Variants in DLC1 observed in about 807,000 individuals in gnomAD.
The protein encoded by DLC1 is rho GTPase-activating protein 7.
In DLC1, 54 loss-of-function variants were observed where a neutral mutation model predicts 140.3. The ratio of observed to expected loss-of-function variants is 0.38; its 90% CI spans 0.31 to 0.48. The LOEUF is 0.48. Among genes scored for constraint, DLC1 ranks in the 20% least tolerant of loss-of-function variants. The pLI is 0.96. For missense variants in DLC1, 2,536 were observed against 1,907.0 expected (o/e 1.33, Z -6.14); for synonymous variants, 986 against 728.1 (o/e 1.35, Z -5.70).
chr8:13,133,400 G>A (rs1316072676), intron 5 of DLC1: 2 of 757,020 alleles, frequency 2.6e-6, no homozygotes, highest in Admixed American at 6.1e-5. Flanking sequence ...GCAGGCCTTA[G>A]CGACGGGCTG....
At chr8:13,351,093 T>C (rs1432890093) in intron 4 of DLC1, among the ~76,000 whole-genome samples, 1 of 152,214 alleles carries the variant, frequency 6.6e-6, no homozygotes, top group Non-Finnish European at 1.5e-5. Context: ...AATAAGGTTT[T>C]CTTCCATGGT....
intron 2 of DLC1, among the ~76,000 whole-genome samples, chr8:13,423,688 C>G (rs1838422273): frequency 6.6e-6 from 1 of 152,102 alleles, no homozygotes; most frequent in Admixed American, 6.6e-5. Context: ...TGATAAAATT[C>G]TTATTTACAT....
chr8:13,143,812 C>CAGAGAGAGAG (rs1194741154), intron 5 of DLC1, among the ~76,000 whole-genome samples: 1 of 53,642 alleles, frequency 1.9e-5, no homozygotes, highest in Admixed American at 2.4e-4. Context: ...AAATGAAAAG[C>CAGAGAGAGAG]TGAGAGAGAG....
intron 1 of DLC1, among the ~76,000 whole-genome samples, chr8:13,513,225 G>C (rs1263005428): frequency 6.6e-6 from 1 of 152,028 alleles, no homozygotes; most frequent in Non-Finnish European, 1.5e-5. Flanking sequence ...GCCATTGTTA[G>C]AGGAGACCAT....
intron 5 of DLC1, among the ~76,000 whole-genome samples, chr8:13,292,882 T>C (rs1586082159): frequency 6.6e-6 from 1 of 152,212 alleles, no homozygotes; most frequent in Middle Eastern, 3.4e-3. Flanking sequence ...TATCAAATAG[T>C]TAGGAGCAGC....
At position 13,100,658 on chromosome 8, in the gene DLC1, T is replaced by G. The variant is rs1471472526; in HGVS notation, c.1679A>C (p.Gln560Pro). Residue 560 changes from glutamine (Q) to proline (P), a missense_variant, in exon 9 of 18, where the codon CAA (glutamine) becomes CCA (proline). By Grantham distance (76) the Gln-to-Pro change is moderately conservative (BLOSUM62 -1). Transcript: ENST00000276297. ...GTCTGGGGACCCAGGGACCAGGTCT[T>G]GTTTTGGAGAAAAGACATCAAACTC... ...LEEFDVFSPK[Q>P]DLVPGSPDDS... 6.2e-7 allele frequency: 1 copy of G among 1,614,126 alleles called. No individual in the cohort carries two copies. The highest frequency in any genetic ancestry group is 8.5e-7 in the Non-Finnish European group (1 of 1,180,004).
chr8:13,597,707 T>C (rs1198999373), intron 1 of DLC1, among the ~76,000 whole-genome samples: 2 of 151,912 alleles, frequency 1.3e-5, no homozygotes, highest in Non-Finnish European at 2.9e-5. Context: ...ATACAGAAAA[T>C]GTGTGTATAT....
chr8:13,280,263 G>A (rs1340726642), intron 5 of DLC1, among the ~76,000 whole-genome samples: 2 of 140,104 alleles, frequency 1.4e-5, no homozygotes, highest in Non-Finnish European at 3.0e-5. Flanking sequence ...ACTCCAGCCT[G>A]GGCAACGGAG....
intron 1 of DLC1, among the ~76,000 whole-genome samples, chr8:13,510,768 A>T (rs1366091553): frequency 6.6e-6 from 1 of 152,150 alleles, no homozygotes; most frequent in Non-Finnish European, 1.5e-5. Flanking sequence ...CCATTTCTGG[A>T]TGCCTATGCT....
intron 5 of DLC1, among the ~76,000 whole-genome samples, chr8:13,292,858 T>C (rs559740244): frequency 1.9e-4 from 29 of 152,280 alleles, no homozygotes; most frequent in African/African-American, 7.0e-4. Context: ...GATGTGAATA[T>C]AGTCTATTGA....
At chr8:13,355,687 T>G (rs1273235288) in intron 4 of DLC1, among the ~76,000 whole-genome samples, 1 of 152,220 alleles carries the variant, frequency 6.6e-6, no homozygotes, top group Non-Finnish European at 1.5e-5. Context: ...TTCATTCCAT[T>G]GCACAATCAC....
intron 5 of DLC1, among the ~76,000 whole-genome samples, chr8:13,230,368 C>T (rs530541662): frequency 6.6e-6 from 1 of 152,304 alleles, no homozygotes; most frequent in African/African-American, 2.4e-5. Flanking sequence ...TAGTTTATTA[C>T]ACCTTTTCCC....
At position 13,196,262 on chromosome 8, in the gene DLC1, A is replaced by G. The variant is rs115790400; in HGVS notation, c.1349-80605T>C. 6.7e-3 allele frequency among the ~76,000 whole-genome samples: 1,018 copies of G among 152,346 alleles called. 11 individuals carry two copies. Among genetic ancestry groups the G allele is most frequent in the African/African-American group, 0.023 (955 of 41,588 alleles). On this transcript the variant is annotated intron_variant, in intron 5 of 17. Coordinates refer to ENST00000276297, the MANE Select transcript of DLC1 (RefSeq NM_182643.3). The stretch of plus-strand genomic sequence containing the variant: ...TTTATTTCTTTATGTAAAAAATGAT[A>G]ATACAAGTATGCTAAAATGTTCTCA...
chr8:13,115,707 G>A lies in DLC1; in HGVS notation c.1349-50C>T, dbSNP rs755140102. 21 of 1,567,006 alleles carry A rather than the reference G, an allele frequency of 1.3e-5. No homozygotes were observed. In the East Asian group the frequency reaches 4.5e-4, roughly 34 times the overall value. On this transcript the variant is annotated intron_variant, in intron 5 of 17. Transcript: ENST00000276297. ...AAATTAGCCATGTGTACCTCGCCAT[G>A]CTTATTTTTCCTGAATAAGCTTTCG...
At chr8:13,425,277 C>G (rs1001654646) in intron 2 of DLC1, among the ~76,000 whole-genome samples, 1 of 152,174 alleles carries the variant, frequency 6.6e-6, no homozygotes, top group Non-Finnish European at 1.5e-5. Context: ...AGTGTTGAAA[C>G]GTTGCCAGGA....
At chr8:13,412,249 T>C (rs928235486) in intron 2 of DLC1, among the ~76,000 whole-genome samples, 6 of 152,210 alleles carry the variant, frequency 3.9e-5, no homozygotes, top group African/African-American at 1.4e-4. Context: ...TGAGAATTAA[T>C]ATTTTTTTCA....
chr8:13,393,762 C>G, intron 3 of DLC1, 69 bp from the exon 4 acceptor site: 1 of 1,541,778 alleles, frequency 6.5e-7, no homozygotes, highest in Non-Finnish European at 8.7e-7. Flanking sequence ...TTCCTACCAC[C>G]AGAACTTTGT....
At chr8:13,562,618 C>T (rs533186263) in intron 1 of DLC1, among the ~76,000 whole-genome samples, 22 of 152,186 alleles carry the variant, frequency 1.4e-4, no homozygotes, top group African/African-American at 4.8e-4. Flanking sequence ...ACATTGCTGG[C>T]AGAAATGTCA....
intron 1 of DLC1, among the ~76,000 whole-genome samples, chr8:13,534,784 C>G (rs528068588): frequency 6.6e-6 from 1 of 152,124 alleles, no homozygotes; most frequent in Non-Finnish European, 1.5e-5. Flanking sequence ...TGTTGTTAGG[C>G]TTCTATAAAG....
Sources: gnomAD v4.1 joint callset for allele counts (sites outside exome capture counted in the v4.1 genomes callset) on GRCh38, gnomAD v4.1.1 for gene constraint, MANE v1.5 for transcripts, NCBI Gene and HGNC (gene_info 2026-07-23, HGNC 2026-07-21) for gene names.